NPAS2: variants seen among roughly 807,000 people sequenced by gnomAD.
NPAS2 encodes the protein neuronal PAS domain protein 2.
Under a neutral mutation model 107.5 loss-of-function variants are expected in NPAS2, and 23 were observed. That is an observed-to-expected ratio of 0.21 (90% CI 0.15 to 0.30). The LOEUF (loss-of-function observed/expected upper bound fraction) is 0.30. NPAS2 is among the 10% of genes least tolerant of loss of function. The pLI is 1.00. For missense variants in NPAS2, 756 were observed against 1,043.3 expected, an observed-to-expected ratio of 0.72 and a Z score of 3.79; for synonymous variants, 403 against 417.5, an observed-to-expected ratio of 0.97 and a Z score of 0.42.
At chr2:100,837,892 G>C (rs1323221718) in intron 1 of NPAS2, among the ~76,000 whole-genome samples, 1 of 152,244 alleles carries the variant, frequency 6.6e-6, no homozygotes, top group Admixed American at 6.5e-5. Context: ...AGAGCTGGAC[G>C]AGACCTTAGA....
chr2:100,852,788 G>A (rs1233571773), intron 1 of NPAS2, among the ~76,000 whole-genome samples: 1 of 152,140 alleles, frequency 6.6e-6, no homozygotes, highest in Non-Finnish European at 1.5e-5. Flanking sequence ...CGCAAGTATG[G>A]ACCCTTTCTG....
intron 1 of NPAS2, among the ~76,000 whole-genome samples, chr2:100,888,612 A>G (rs6723452): frequency 0.2 from 29,917 of 152,178 alleles, 3,895 homozygotes; most frequent in Non-Finnish European, 0.28. Context: ...ATAGGATAGT[A>G]TCTGTTAGAG....
At chr2:100,835,020 A>G (rs893477588) in intron 1 of NPAS2, among the ~76,000 whole-genome samples, 1 of 152,120 alleles carries the variant, frequency 6.6e-6, no homozygotes, top group African/African-American at 2.4e-5. Context: ...TGGCCCCTTT[A>G]TCATTTTTCC....
chr2:100,863,302 C>T (rs1679054949), intron 1 of NPAS2, among the ~76,000 whole-genome samples: 1 of 152,204 alleles, frequency 6.6e-6, no homozygotes, highest in Admixed American at 6.5e-5. Context: ...ACTCTGCTTC[C>T]TCTTCCCTGC....
At chr2:100,925,922 C>G (rs978816199) in intron 3 of NPAS2, among the ~76,000 whole-genome samples, 16 of 152,186 alleles carry the variant, frequency 1.1e-4, no homozygotes, top group Non-Finnish European at 2.9e-5. Context: ...AACCCTGTAT[C>G]CATTAGCCAT....
chr2:100,872,248 A>G (rs933539148), intron 1 of NPAS2, among the ~76,000 whole-genome samples: 1 of 152,318 alleles, frequency 6.6e-6, no homozygotes, highest in Middle Eastern at 3.4e-3. Context: ...CAGACTGCTT[A>G]GTTGGGAATC....
In NPAS2 at chr2:100,948,457, A is replaced by T; in HGVS notation, c.484+102A>T. 7 of 1,079,876 alleles carry T rather than the reference A, an allele frequency of 6.5e-6. No individual in the cohort carries two copies. The South Asian group carries it at 1.2e-4, about 19-fold the overall frequency. The allele number at this position is 1,079,876 out of a possible 1,614,324, so 66.9% of individuals were successfully genotyped here. A position where few individuals can be genotyped will look rare whatever the true frequency, so the allele number is the denominator to read the frequency against. Reference sequence around the variant, plus strand: ...GAAGGGAGAACTAATTTTAAGAATAATTTTCCTCATGACTCAGAACATTTC... The same window carrying T: ...GAAGGGAGAACTAATTTTAAGAATATTTTTCCTCATGACTCAGAACATTTC... On this transcript the variant is annotated intron_variant, in intron 6 of 20. Coordinates refer to ENST00000335681, the MANE Select transcript of NPAS2 (RefSeq NM_002518.4).
intron 1 of NPAS2, among the ~76,000 whole-genome samples, chr2:100,827,959 G>A (rs1676491586): frequency 6.6e-6 from 1 of 152,196 alleles, no homozygotes; most frequent in African/African-American, 2.4e-5. Context: ...GGTCAAATTA[G>A]TAGCTCTGTT....
At chr2:100,879,920 C>T (rs1356150529) in intron 1 of NPAS2, among the ~76,000 whole-genome samples, 1 of 152,172 alleles carries the variant, frequency 6.6e-6, no homozygotes, top group East Asian at 1.9e-4. Context: ...GGTCCCTCCA[C>T]ACAGGGACAC....
intron 1 of NPAS2, among the ~76,000 whole-genome samples, chr2:100,838,131 A>G (rs1677177765): frequency 2.0e-5 from 3 of 150,294 alleles, no homozygotes; most frequent in Non-Finnish European, 4.4e-5. Flanking sequence ...ACATCAGAAA[A>G]CGACTATCTT....
intron 1 of NPAS2, among the ~76,000 whole-genome samples, chr2:100,876,161 GT>G (rs1365750839): frequency 1.4e-4 from 22 of 152,160 alleles, no homozygotes; most frequent in African/African-American, 5.1e-4. Context: ...GGCCTCTCTG[GT>G]TCTGTTCCTC....
In NPAS2 at chr2:100,958,513, G is replaced by A. The variant is rs77035061; in HGVS notation, c.599-5545G>A. ...CCTCCACCCAGCAAAGAATCAGGCC[G>A]TCCTTCCCCTGCAGGGGTCAGTGCT... On this transcript the variant is annotated intron_variant, in intron 7 of 20. Coordinates refer to ENST00000335681, the MANE Select transcript of NPAS2 (RefSeq NM_002518.4). Among the ~76,000 whole-genome samples the A allele has an allele frequency of 7.7e-4, 117 of 152,272 alleles. No homozygotes were observed. In the East Asian group the frequency reaches 0.02, roughly 26 times the overall value.
In NPAS2 at chr2:100,956,352, C is replaced by T. The variant is rs118144780; in HGVS notation, c.598+6872C>T. Among the ~76,000 whole-genome samples the T allele has an allele frequency of 1.2e-3, 190 of 152,238 alleles. 3 individuals are homozygous for T. The East Asian group carries it at 0.036, about 29-fold the overall frequency. Reference sequence around the variant, plus strand: ...GCAGCCAGCCCCTCAGCCTTCACCCCCTCCTTCCTTCCTCCCTCCAGCCTC... The same window carrying T: ...GCAGCCAGCCCCTCAGCCTTCACCCTCTCCTTCCTTCCTCCCTCCAGCCTC... On this transcript the variant is annotated intron_variant, in intron 7 of 20. Transcript: ENST00000335681.
At chr2:100,858,355 C>G (rs188208679) in intron 1 of NPAS2, among the ~76,000 whole-genome samples, 2 of 152,212 alleles carry the variant, frequency 1.3e-5, no homozygotes, top group Non-Finnish European at 2.9e-5. Context: ...TTGTCTCTCC[C>G]TTTGTCATCT....
intron 20 of NPAS2, 46 bp from the exon 21 acceptor site, chr2:100,995,354 C>A: frequency 1.3e-6 from 2 of 1,531,288 alleles, no homozygotes; most frequent in African/African-American, 1.4e-5. Context: ...AGTTGAGGAG[C>A]GGACATCAGA....
At chr2:100,904,395 T>C (rs886598394) in intron 1 of NPAS2, among the ~76,000 whole-genome samples, 6 of 152,244 alleles carry the variant, frequency 3.9e-5, no homozygotes, top group Admixed American at 1.3e-4. Flanking sequence ...TAACTCGTTA[T>C]TTGCTCCTTT....
chr2:100,855,552 A>T (rs1678501558), intron 1 of NPAS2, among the ~76,000 whole-genome samples: 1 of 152,194 alleles, frequency 6.6e-6, no homozygotes, highest in African/African-American at 2.4e-5. Context: ...TTGTTGACCC[A>T]TCATGCATTT....
At chr2:100,881,605 G>A (rs914471711) in intron 1 of NPAS2, among the ~76,000 whole-genome samples, 16 of 152,136 alleles carry the variant, frequency 1.1e-4, no homozygotes, top group Admixed American at 3.9e-4. Context: ...AGAATCACTT[G>A]AACCCAGGAG....
intron 1 of NPAS2, among the ~76,000 whole-genome samples, chr2:100,832,067 A>ATG (rs1211041479): frequency 6.6e-6 from 1 of 151,496 alleles, no homozygotes; most frequent in Non-Finnish European, 1.5e-5. Context: ...TCTTGTCCTG[A>ATG]TGTGTGTGTG....
Sources: gnomAD v4.1 joint callset for allele counts (sites outside exome capture counted in the v4.1 genomes callset) on GRCh38, gnomAD v4.1.1 for gene constraint, MANE v1.5 for transcripts, NCBI Gene and HGNC (gene_info 2026-07-23, HGNC 2026-07-21) for gene names.